The following RFTN1 variants were observed in gnomAD, a reference collection of about 807,000 sequenced individuals.
RFTN1 encodes the protein raftlin.
A neutral mutation model predicts 46.5 loss-of-function variants in RFTN1; 26 were observed. The observed-to-expected ratio is 0.56, with a 90% CI of 0.41 to 0.78. RFTN1 has a LOEUF of 0.78. RFTN1 is among the 30% of genes least tolerant of loss of function. The pLI is 0.00. For synonymous variants in RFTN1, 261 were observed against 284.2 expected (o/e 0.92, Z 0.82); for missense variants, 693 against 718.7 (o/e 0.96, Z 0.41).
At chr3:16,478,152 A>G (rs74900058) in intron 2 of RFTN1, among the ~76,000 whole-genome samples, 3 of 152,118 alleles carry the variant, frequency 2.0e-5, no homozygotes, top group Non-Finnish European at 4.4e-5. Context: ...ATTGTCCCCA[A>G]CCAAACAGGA....
intron 7 of RFTN1, chr3:16,347,620 G>A (rs2071818662): frequency 6.6e-6 from 1 of 152,182 alleles, no homozygotes; most frequent in Non-Finnish European, 1.5e-5. Context: ...CCACCTCTGT[G>A]TGCACACTCA....
chr3:16,431,826 C>T (rs962450567), intron 3 of RFTN1, among the ~76,000 whole-genome samples: 15 of 152,130 alleles, frequency 9.9e-5, no homozygotes, highest in African/African-American at 3.4e-4. Flanking sequence ...CAAAGATATC[C>T]TCCCCCACTT....
At chr3:16,493,093 G>C (rs1319883164) in intron 2 of RFTN1, among the ~76,000 whole-genome samples, 1 of 152,232 alleles carries the variant, frequency 6.6e-6, no homozygotes, top group Non-Finnish European at 1.5e-5. Flanking sequence ...TTCATACGAG[G>C]AGAGAAGGCA....
At position 16,323,439 on chromosome 3, in the gene RFTN1, G is replaced by A; in HGVS notation, c.1269C>T (p.Thr423=). 6.2e-7 allele frequency: 1 copy of A among 1,612,458 alleles called. No individual in the cohort carries two copies. The highest frequency in any genetic ancestry group is 8.5e-7 in the Non-Finnish European group (1 of 1,178,596). The change falls in exon 9 of 10, where the codon ACC becomes ACT. Residue 423 remains threonine (T), a synonymous_variant. Transcript: ENST00000334133. ...VKTTSEGSVS[T]KQIVFLQRPC... Reference sequence around the variant, plus strand: ...GTCTCTGAAGAAAGACAATCTGCTTGGTGGATACACTCCCCTCGCTGTAAC... The same window carrying A: ...GTCTCTGAAGAAAGACAATCTGCTTAGTGGATACACTCCCCTCGCTGTAAC...
In RFTN1 at chr3:16,345,264, T is replaced by TTTGTGTGTG. The variant is rs1491581919; in HGVS notation, c.1146+12667_1146+12668insCACACACAA. ...AAACTGTAAGATAATAAGTAGGTGG[T>TTTGTGTGTG]TGTGTGTGTGTGTGTGTGTGTGTGT... On this transcript the variant is annotated intron_variant, in intron 7 of 9. Coordinates refer to ENST00000334133, the MANE Select transcript of RFTN1 (RefSeq NM_015150.2). This position sits in a 1 kb window ranked among gnomAD's most constrained non-coding sequence, Gnocchi z 5.2. 7.5e-5 allele frequency: 11 copies of TTTGTGTGTG among 145,836 alleles called. No homozygotes were observed. The highest frequency in any genetic ancestry group is 2.9e-4 in the African/African-American group (11 of 37,754). The allele number at this position is 145,836 out of a possible 1,614,324, so 9.0% of individuals were successfully genotyped here.
In RFTN1 at chr3:16,337,740, CA is replaced by C. The variant is rs5846920; in HGVS notation, c.1147-10865del. ...CTGGCGACAGAGCGAGACTCCATCT[CA>C]AAAAAAAAAAAAAAAAGAAAAGAAA... On this transcript the variant is annotated intron_variant, in intron 7 of 9. Coordinates refer to ENST00000334133, the MANE Select transcript of RFTN1 (RefSeq NM_015150.2). The surrounding 1 kb of genome is among the most constrained non-coding windows in gnomAD (Gnocchi z 5.0). Among the ~76,000 whole-genome samples the C allele has an allele frequency of 0.099, 9,382 of 95,076 alleles. 295 individuals carry two copies. Among genetic ancestry groups the C allele is most frequent in the Middle Eastern group, 0.15 (25 of 164 alleles). The allele number at this position is 95,076 out of a possible 152,430, so 62.4% of individuals were successfully genotyped here.
In RFTN1 at chr3:16,450,445, C is replaced by T. The variant is rs534327315; in HGVS notation, c.146-16408G>A. 2.7e-4 allele frequency among the ~76,000 whole-genome samples: 41 copies of T among 152,316 alleles called. 1 individual carries two copies. In the East Asian group the frequency reaches 7.7e-3, roughly 29 times the overall value. ...AGGCAGGTAGGATAAGAGCCTGAGG[C>T]CCATCCAAGGGCTCTCTCCCACTGC... On this transcript the variant is annotated intron_variant, in intron 2 of 9. Transcript: ENST00000334133. This position sits in a 1 kb window ranked among gnomAD's most constrained non-coding sequence, Gnocchi z 4.6.
intron 2 of RFTN1, chr3:16,454,644 T>C: frequency 2.3e-6 from 1 of 443,454 alleles, no homozygotes; most frequent in Non-Finnish European, 3.0e-6. Context: ...AAATCTCTCC[T>C]TTCTCCTCTC....
intron 3 of RFTN1, among the ~76,000 whole-genome samples, chr3:16,411,793 C>T (rs1025026038): frequency 3.3e-5 from 5 of 152,154 alleles, no homozygotes; most frequent in Admixed American, 2.0e-4. Flanking sequence ...TACATGGAAA[C>T]AGGCTATATG....
At chr3:16,369,965 T>A in intron 6 of RFTN1, 111 bp downstream of exon 6, 1 of 992,156 alleles carries the variant, frequency 1.0e-6, no homozygotes, top group South Asian at 1.4e-5. Context: ...AGCATGGTTA[T>A]CGGCTGCAGA....
At chr3:16,409,236 T>G in intron 4 of RFTN1, 139 bp downstream of exon 4, 1 of 584,064 alleles carries the variant, frequency 1.7e-6, no homozygotes, top group Non-Finnish European at 3.1e-6. Context: ...TGCTTCCCTG[T>G]GGGGCTGCCA....
At position 16,459,467 on chromosome 3, in the gene RFTN1, G is replaced by A. The variant is rs1482424913; in HGVS notation, c.146-25430C>T. 1.3e-5 allele frequency among the ~76,000 whole-genome samples: 2 copies of A among 152,156 alleles called. No homozygotes were observed. The highest frequency in any genetic ancestry group is 2.9e-5 in the Non-Finnish European group (2 of 68,028). On this transcript the variant is annotated intron_variant, in intron 2 of 9. Coordinates refer to ENST00000334133, the MANE Select transcript of RFTN1 (RefSeq NM_015150.2). This position sits in a 1 kb window ranked among gnomAD's most constrained non-coding sequence, Gnocchi z 4.2. ...AAAAATGAGCCAGGAATAGCAGCGT[G>A]TGCCTTTATCCCAGCTACTTGGAGA...
In RFTN1 at chr3:16,425,982, TA is replaced by T. The variant is rs2075282778; in HGVS notation, c.332+7868del. 1.3e-5 allele frequency among the ~76,000 whole-genome samples: 2 copies of T among 152,140 alleles called. No individual in the cohort carries two copies. Among genetic ancestry groups the T allele is most frequent in the African/African-American group, 4.8e-5 (2 of 41,426 alleles). On this transcript the variant is annotated intron_variant, in intron 3 of 9. Coordinates refer to ENST00000334133, the MANE Select transcript of RFTN1 (RefSeq NM_015150.2). The surrounding 1 kb of genome is among the most constrained non-coding windows in gnomAD (Gnocchi z 4.3). Reference sequence around the variant, plus strand: ...GCCAGCAACGGGTGTTCGCCCCACCTAAATCGGAATCCAAAATAACGACCCA... The same window carrying T: ...GCCAGCAACGGGTGTTCGCCCCACCTAATCGGAATCCAAAATAACGACCCA...
chr3:16,332,291 TCTTA>T (rs898266247), intron 7 of RFTN1, among the ~76,000 whole-genome samples: 2 of 152,154 alleles, frequency 1.3e-5, no homozygotes, highest in African/African-American at 4.8e-5. Context: ...CCCACAGTTT[TCTTA>T]CTCTTTTAAT....
Position 16,353,751 on chromosome 3 carries a change from C to T in RFTN1, c.1146+4181G>A, listed in dbSNP as rs1016210476. On this transcript the variant is annotated intron_variant, in intron 7 of 9. Transcript: ENST00000334133. This position sits in a 1 kb window ranked among gnomAD's most constrained non-coding sequence, Gnocchi z 5.4. ...AAGAGACACCAGAGTAGCCCCCTCC[C>T]ACCTGTGCGTGCTCAGAGGCAAGGG... 6.6e-6 allele frequency among the ~76,000 whole-genome samples: 1 copy of T among 152,136 alleles called. No individual in the cohort carries two copies. The highest frequency in any genetic ancestry group is 2.4e-5 in the African/African-American group (1 of 41,426).
At chr3:16,372,532 G>A (rs958764976) in intron 5 of RFTN1, among the ~76,000 whole-genome samples, 3 of 152,162 alleles carry the variant, frequency 2.0e-5, no homozygotes, top group Admixed American at 2.0e-4. Context: ...GAATTAAGAA[G>A]AAGAAGAAAA....
chr3:16,347,593 G>C (rs570054659), intron 7 of RFTN1: 13 of 152,198 alleles, frequency 8.5e-5, no homozygotes, highest in African/African-American at 3.1e-4. Flanking sequence ...CTGCCTCTCT[G>C]TTACACAGAT....
Position 16,407,767 on chromosome 3 carries a change from G to A in RFTN1, c.441+1608C>T, listed in dbSNP as rs73043115. ...AACACTTGTGTTCTCAGGCTTATGC[G>A]TATGTGAACAAAAGCTACTTCCCCC... On this transcript the variant is annotated intron_variant, in intron 4 of 9. Transcript: ENST00000334133. The surrounding 1 kb of genome is among the most constrained non-coding windows in gnomAD (Gnocchi z 4.0). Among the ~76,000 whole-genome samples the A allele has an allele frequency of 6.5e-3, 983 of 152,190 alleles. 14 individuals are homozygous for A. Among genetic ancestry groups the A allele is most frequent in the Non-Finnish European group, 0.01 (683 of 68,008 alleles).
intron 5 of RFTN1, among the ~76,000 whole-genome samples, chr3:16,375,638 C>A (rs2073739368): frequency 6.6e-6 from 1 of 152,128 alleles, no homozygotes; most frequent in South Asian, 2.1e-4. Context: ...AGATTCGCAG[C>A]CTGAGCAGAG....
Sources: gnomAD v4.1 joint callset for allele counts (sites outside exome capture counted in the v4.1 genomes callset) on GRCh38, gnomAD v4.1.1 for gene constraint, Gnocchi (gnomAD v3.1) non-coding constraint, MANE v1.5 for transcripts, NCBI Gene and HGNC (gene_info 2026-07-23, HGNC 2026-07-21) for gene names.